The following CASP10 variants were observed in gnomAD, a reference collection of about 807,000 sequenced individuals.
The protein encoded by CASP10 is caspase-10.
In CASP10, 41 loss-of-function variants were observed where a neutral mutation model predicts 48.5. The ratio of observed to expected loss-of-function variants is 0.85; its 90% CI spans 0.66 to 1.10. The LOEUF (loss-of-function observed/expected upper bound fraction) is 1.10. Ranked by LOEUF, CASP10 falls within the 50% of genes least tolerant of loss-of-function variation. The pLI, the probability that CASP10 is intolerant of heterozygous loss-of-function variation, is 0.00. For missense variants in CASP10, 614 were observed against 614.5 expected (o/e 1.00, Z 0.01); for synonymous variants, 232 against 238.4 (o/e 0.97, Z 0.25).
Position 201,219,444 on chromosome 2 carries a change from C to T in CASP10, c.*1703C>T, listed in dbSNP as rs1945666860. ...TCAGGACTCAATCTACAGGCCAGCA[C>T]CTTTCTCTTGGCCGGATGTCCTCAG... On this transcript the variant is annotated 3_prime_UTR_variant, in exon 10 of 10. Transcript: ENST00000286186. The T allele has an allele frequency of 1.0e-6, 1 of 985,342 alleles. No homozygotes were observed. The highest frequency in any genetic ancestry group is 4.7e-5 in the South Asian group (1 of 21,296). 61.0% of individuals were successfully genotyped at this position (985,342 alleles called of 1,614,324 possible).
In CASP10 at chr2:201,195,542, T is replaced by TAA. The variant is rs10671854; in HGVS notation, c.578-298_578-297dup. On this transcript the variant is annotated intron_variant, in intron 4 of 9. Transcript: ENST00000286186. ...CTGTTAAGATGAAAGACTAAAGGAC[T>TAA]AAAGAGTAGGTGTGCAGACTTTAGA... Among the ~76,000 whole-genome samples the TAA allele has an allele frequency of 0.54, 82,415 of 151,882 alleles. 23,362 individuals are homozygous for TAA. Among genetic ancestry groups the TAA allele is most frequent in the African/African-American group, 0.69 (28,557 of 41,382 alleles).
intron 9 of CASP10, 96 bp from the exon 10 acceptor site, chr2:201,217,492 G>T: frequency 1.3e-6 from 1 of 768,344 alleles, no homozygotes; most frequent in Non-Finnish European, 2.3e-6. Context: ...CCAGGAGGTG[G>T]AGGCTGCAGT....
chr2:201,184,700 C>G (rs1944352054), intron 1 of CASP10, among the ~76,000 whole-genome samples: 1 of 152,154 alleles, frequency 6.6e-6, no homozygotes, highest in African/African-American at 2.4e-5. Flanking sequence ...ACCTCAAGTG[C>G]TTATAGAATA....
intron 9 of CASP10, chr2:201,228,859 AGCCTCTCCAGGTCCTT>A: frequency 7.2e-7 from 1 of 1,390,208 alleles, no homozygotes; most frequent in Non-Finnish European, 1.0e-6. Flanking sequence ...GCCGGGGTCC[AGCCTCTCCAGGTCCTT>A]GTGTGTGAAA....
At chr2:201,228,253 C>T (rs974258676) in intron 9 of CASP10, among the ~76,000 whole-genome samples, 2 of 152,186 alleles carry the variant, frequency 1.3e-5, no homozygotes, top group African/African-American at 4.8e-5. Flanking sequence ...AAGAATTGCT[C>T]GAACCTGAGA....
rs1352513394 is a variant in CASP10 at position 201,183,325 on chromosome 2, C to T, written c.-8+17C>T. The T allele has an allele frequency of 6.6e-6, 1 of 152,160 alleles. No individual in the cohort carries two copies. The highest frequency in any genetic ancestry group is 1.5e-5 in the Non-Finnish European group (1 of 68,026). 9.4% of individuals were successfully genotyped at this position (152,160 alleles called of 1,614,324 possible). A position where few individuals can be genotyped will look rare whatever the true frequency, so the allele number is the denominator to read the frequency against. ...GATCTGAAGGTATGTAATTAACAAC[C>T]CTTCTTACTCCAGAGTCTCATGCTT... On this transcript the variant is annotated intron_variant, in intron 1 of 9. Transcript: ENST00000286186.
downstream of CASP10, among the ~76,000 whole-genome samples, chr2:201,223,390 A>G (rs1013460381): frequency 4.6e-5 from 7 of 152,200 alleles, no homozygotes; most frequent in African/African-American, 7.2e-5. Flanking sequence ...AAGGACCCCA[A>G]TGACCCTGCA....
intron 9 of CASP10, among the ~76,000 whole-genome samples, chr2:201,211,168 G>A (rs1440369491): frequency 1.3e-5 from 2 of 152,070 alleles, no homozygotes; most frequent in Non-Finnish European, 2.9e-5. Flanking sequence ...TTAAATATGG[G>A]ATCTCACCAT....
intron 1 of CASP10, among the ~76,000 whole-genome samples, chr2:201,184,264 T>C (rs1312508974): frequency 1.3e-5 from 2 of 152,182 alleles, no homozygotes; most frequent in Non-Finnish European, 2.9e-5. Flanking sequence ...CTTCGCTGAT[T>C]TGAGCAACTC....
At chr2:201,225,628 A>C (rs531553379), downstream of CASP10, among the ~76,000 whole-genome samples, 2 of 152,338 alleles carry the variant, frequency 1.3e-5, no homozygotes, top group East Asian at 3.9e-4. Flanking sequence ...ATTTAAGAAG[A>C]AACACTTGCC....
At chr2:201,188,698 C>A (rs1171963445) in intron 3 of CASP10, among the ~76,000 whole-genome samples, 1 of 152,070 alleles carries the variant, frequency 6.6e-6, no homozygotes, top group Non-Finnish European at 1.5e-5. Context: ...GCAGCTGAAT[C>A]CAGAGGCTTC....
chr2:201,227,459 A>T (rs1945802761), intron 9 of CASP10, among the ~76,000 whole-genome samples: 1 of 152,144 alleles, frequency 6.6e-6, no homozygotes, highest in Non-Finnish European at 1.5e-5. Context: ...AATGATCTGG[A>T]TATAATCTCC....
intron 9 of CASP10, among the ~76,000 whole-genome samples, chr2:201,216,191 T>C (rs1329345313): frequency 1.3e-5 from 2 of 150,184 alleles, no homozygotes; most frequent in Non-Finnish European, 3.0e-5. Flanking sequence ...AATATTAATT[T>C]AAATAATATT....
chr2:201,212,670 A>C (rs1430860787), intron 9 of CASP10: 2 of 152,222 alleles, frequency 1.3e-5, no homozygotes, highest in African/African-American at 4.8e-5. Context: ...CATCTGATAA[A>C]GAGTTGGAAA....
chr2:201,203,186 G>T (rs1449457237), intron 5 of CASP10, among the ~76,000 whole-genome samples: 1 of 152,134 alleles, frequency 6.6e-6, no homozygotes, highest in African/African-American at 2.4e-5. Flanking sequence ...TGTAAATAAT[G>T]CTGCAATGAG....
rs1945715025 is a variant in CASP10 at position 201,221,328 on chromosome 2, A to G, written c.*3587A>G. On this transcript the variant is annotated 3_prime_UTR_variant, in exon 10 of 10. Coordinates refer to ENST00000286186, the MANE Select transcript of CASP10 (RefSeq NM_032977.4). ...CTGTCAGGCCTCTGAGCCCAAGCTAAGCCATCATATCCCTTGTGACCTGCA... is the reference window on the plus strand; with the variant it reads ...CTGTCAGGCCTCTGAGCCCAAGCTAGGCCATCATATCCCTTGTGACCTGCA... 1 of 977,332 alleles carries G rather than the reference A, an allele frequency of 1.0e-6. No individual in the cohort carries two copies. The highest frequency in any genetic ancestry group is 1.2e-6 in the Non-Finnish European group (1 of 822,408). The allele number at this position is 977,332 out of a possible 1,614,324, so 60.5% of individuals were successfully genotyped here. A position where few individuals can be genotyped will look rare whatever the true frequency, so the allele number is the denominator to read the frequency against.
At position 201,205,913 on chromosome 2, in the gene CASP10, G is replaced by A. The variant is rs1576118253; in HGVS notation, c.753G>A (p.Leu251=). ...GNRATNGAPS[L]VSRGMQGASA... is the part of the protein sequence containing the mutation. ...GAGCCACAAATGGTGCACCAAGCCT[G>A]GTCTCCAGGGGGATGCAAGGAGCAT... is the stretch of plus-strand genomic sequence containing the variant. Residue 251 remains leucine, a synonymous_variant, in exon 7 of 10, where the codon CTG becomes CTA. Transcript: ENST00000286186. The A allele has an allele frequency of 6.2e-7, 1 of 1,612,900 alleles. No individual in the cohort carries two copies. Among genetic ancestry groups the A allele is most frequent in the Non-Finnish European group, 8.5e-7 (1 of 1,178,948 alleles).
chr2:201,209,564 TGA>T lies in CASP10; in HGVS notation c.1415+6_1415+7del, dbSNP rs1223016530. ...TCATCTGAAGAAATTGGTCCCAAGG[TGA>T]GAGCTCTTTTTTTTCTTCCATTTGT... On this transcript the variant is annotated splice_donor_region_variant and intron_variant, in intron 9 of 9. Coordinates refer to ENST00000286186, the MANE Select transcript of CASP10 (RefSeq NM_032977.4). The T allele has an allele frequency of 6.2e-7, 1 of 1,600,050 alleles. No individual in the cohort carries two copies. Among genetic ancestry groups the T allele is most frequent in the African/African-American group, 1.4e-5 (1 of 73,754 alleles).
intron 1 of CASP10, 108 bp from the exon 2 acceptor site, chr2:201,185,663 T>C: frequency 2.6e-6 from 2 of 779,048 alleles, no homozygotes; most frequent in South Asian, 2.9e-5. Flanking sequence ...TCTAGGAAAG[T>C]CTAATGCCCA....
Sources: gnomAD v4.1 joint callset for allele counts (sites outside exome capture counted in the v4.1 genomes callset) on GRCh38, gnomAD v4.1.1 for gene constraint, MANE v1.5 for transcripts, NCBI Gene and HGNC (gene_info 2026-07-23, HGNC 2026-07-21) for gene names.